Variants in LIG3 observed in about 807,000 individuals in gnomAD.
The protein encoded by LIG3 is DNA ligase 3, also known as ligase II, DNA, ATP-dependent.
In LIG3, 58 loss-of-function variants were observed where a neutral mutation model predicts 110.9. That is an observed-to-expected ratio of 0.52 (90% CI 0.42 to 0.65). The LOEUF is 0.65. LIG3 is among the 30% of genes least tolerant of loss of function. LIG3 has a pLI of 0.00. For synonymous variants in LIG3, 422 were observed against 472.8 expected (o/e 0.89, Z 1.39); for missense variants, 1,094 against 1,273.8 (o/e 0.86, Z 2.15).
At chr17:34,984,677 A>T (rs888151043) in intron 2 of LIG3, among the ~76,000 whole-genome samples, 6 of 149,660 alleles carry the variant, frequency 4.0e-5, no homozygotes, top group African/African-American at 1.5e-4. Context: ...TCTCACTCTG[A>T]CCCAGGCTGG....
At chr17:35,004,027 T>G in intron 19 of LIG3, 1 of 512,666 alleles carries the variant, frequency 2.0e-6, no homozygotes, top group Non-Finnish European at 3.5e-6. Flanking sequence ...TCTTCCCATC[T>G]CCAGGTCCCA....
At chr17:34,993,967 A>G (rs1488906435) in intron 8 of LIG3, among the ~76,000 whole-genome samples, 1 of 152,204 alleles carries the variant, frequency 6.6e-6, no homozygotes, top group Non-Finnish European at 1.5e-5. Context: ...CAAGGCCTGA[A>G]TTATTGAGAA....
chr17:35,002,990 T>G (rs1597804414), intron 19 of LIG3: 2 of 1,614,156 alleles, frequency 1.2e-6, no homozygotes, highest in Admixed American at 3.3e-5. Context: ...CTTGTTGCCT[T>G]GCAGAGGCGG....
At position 34,998,252 on chromosome 17, in the gene LIG3, G is replaced by T; in HGVS notation, c.1945G>T (p.Val649Leu). The change falls in exon 13 of 20, where the codon GTG (valine) becomes TTG (leucine). Residue 649 changes from valine (V) to leucine (L), a missense_variant. Val to Leu is a conservative substitution (Grantham distance 32, BLOSUM62 1). Coordinates refer to ENST00000378526, the MANE Select transcript of LIG3 (RefSeq NM_013975.4). ...GGACTTGGCTGACATGATAACCCGG[G>T]TGATCCAGGAGGGATTGGAGGGGCT... The part of the protein sequence containing the change: ...ALDLADMITR[V>L]IQEGLEGLVL... 17 of 1,613,668 alleles carry T rather than the reference G, an allele frequency of 1.1e-5. No homozygotes were observed. Among genetic ancestry groups the T allele is most frequent in the Non-Finnish European group, 1.4e-5 (16 of 1,179,790 alleles).
At chr17:34,992,074 G>C in intron 7 of LIG3, 39 bp downstream of exon 7, 1 of 1,577,022 alleles carries the variant, frequency 6.3e-7, no homozygotes, top group South Asian at 1.1e-5. Flanking sequence ...GCTGTCATTT[G>C]TTAGCTTTGT....
intron 3 of LIG3, among the ~76,000 whole-genome samples, chr17:34,986,758 C>T (rs538764247): frequency 6.6e-6 from 1 of 152,284 alleles, no homozygotes; most frequent in South Asian, 2.1e-4. Flanking sequence ...CTTTTACTTC[C>T]TTGTGTTTTG....
intron 3 of LIG3, among the ~76,000 whole-genome samples, chr17:34,986,737 T>C (rs1418373599): frequency 1.3e-5 from 2 of 152,244 alleles, no homozygotes; most frequent in African/African-American, 4.8e-5. Context: ...ACAGAGATTA[T>C]TAGAACCTGT....
At chr17:35,003,153 A>G in intron 19 of LIG3, 2 of 1,551,910 alleles carry the variant, frequency 1.3e-6, no homozygotes, top group East Asian at 4.8e-5. Flanking sequence ...GTGGGAATGC[A>G]GCATTGAGTT....
intron 2 of LIG3, 116 bp downstream of exon 2, chr17:34,983,668 A>C: frequency 9.8e-7 from 1 of 1,015,608 alleles, no homozygotes; most frequent in Non-Finnish European, 1.4e-6. Flanking sequence ...ATGGGGTCTC[A>C]CTCTGTTGCC....
chr17:34,989,391 CTG>C, intron 3 of LIG3, 73 bp from the exon 4 acceptor site: 1 of 1,314,136 alleles, frequency 7.6e-7, no homozygotes, highest in Non-Finnish European at 1.1e-6. Context: ...AGCAGAATAT[CTG>C]TTAGTTTCCT....
rs761614319 is a variant in LIG3, at chr17:34,983,253, G to C, written c.248G>C (p.Ser83Thr). 1.2e-6 allele frequency: 2 copies of C among 1,614,246 alleles called. No individual in the cohort carries two copies. The highest frequency in any genetic ancestry group is 1.7e-6 in the Non-Finnish European group (2 of 1,180,048). ...CCAGGGTTGCATGTGGGACTCTGCA[G>C]TGGCCCCTGTGAGATGGCTGAGCAA... ...FLPGLHVGLC[S>T]GPCEMAEQRF... Residue 83 changes from serine to threonine, a missense_variant, in exon 2 of 20, where the codon AGT (serine) becomes ACT (threonine). Ser to Thr is a moderately conservative substitution (Grantham distance 58). Coordinates refer to ENST00000378526, the MANE Select transcript of LIG3 (RefSeq NM_013975.4).
At position 34,996,121 on chromosome 17, in the gene LIG3, T is replaced by A; in HGVS notation, c.1669T>A (p.Leu557Met). 1 of 1,614,202 alleles carries A rather than the reference T, an allele frequency of 6.2e-7. No homozygotes were observed. Among genetic ancestry groups the A allele is most frequent in the Non-Finnish European group, 8.5e-7 (1 of 1,180,030 alleles). ...TTTTCCTGGGGGCCACAGCATGATC[T>A]TGGATTCTGAAGTGCTTCTGATTGA... ...QAFPGGHSMI[L>M]DSEVLLIDNK... The change falls in exon 10 of 20, where the codon TTG becomes ATG. Residue 557 changes from leucine to methionine, a missense_variant. Physicochemically the swap from Leu to Met is conservative, Grantham distance 15. Coordinates refer to ENST00000378526, the MANE Select transcript of LIG3 (RefSeq NM_013975.4).
chr17:34,984,614 T>C (rs1177487094), intron 2 of LIG3, among the ~76,000 whole-genome samples: 1 of 152,100 alleles, frequency 6.6e-6, no homozygotes, highest in Non-Finnish European at 1.5e-5. Flanking sequence ...CTGGATACTA[T>C]GTGTCCACAT....
In LIG3 at chr17:34,982,998, A is replaced by C; in HGVS notation, c.-4-4A>C. The stretch of plus-strand genomic sequence containing the variant: ...TTTTTTTGGCCTCCTACTCTTTCGT[A>C]CAGCTATATGTCTTTGGCTTTCAAG... On this transcript the variant is annotated splice_polypyrimidine_tract_variant and splice_region_variant and intron_variant, in intron 1 of 19. Transcript: ENST00000378526. 6.8e-7 allele frequency: 1 copy of C among 1,470,892 alleles called. No individual in the cohort carries two copies. The highest frequency in any genetic ancestry group is 1.5e-5 in the South Asian group (1 of 67,926). 91.1% of individuals were successfully genotyped at this position (1,470,892 alleles called of 1,614,324 possible).
chr17:34,994,669 T>G (rs893885707), intron 9 of LIG3, among the ~76,000 whole-genome samples: 5 of 152,210 alleles, frequency 3.3e-5, no homozygotes, highest in Admixed American at 3.3e-4. Flanking sequence ...CCTGGAACAG[T>G]GATACTTCTT....
intron 1 of LIG3, among the ~76,000 whole-genome samples, chr17:34,982,659 AAAAG>A (rs1260865981): frequency 5.3e-5 from 8 of 152,078 alleles, no homozygotes; most frequent in South Asian, 4.1e-4. Context: ...AAAAAAAAAA[AAAAG>A]AAAGTTCAGG....
In LIG3 at chr17:35,004,980, T is replaced by G; in HGVS notation, c.*474T>G. 3.5e-6 allele frequency: 1 copy of G among 285,422 alleles called. No homozygotes were observed. The highest frequency in any genetic ancestry group is 3.7e-5 in the South Asian group (1 of 27,240). 17.7% of individuals were successfully genotyped at this position (285,422 alleles called of 1,614,324 possible). ...AGGACTGCCCTCGGAAATGCTTCTGTTTAGCGGAACTTGTATTCAGCCTGA... is the reference window on the plus strand; with the variant it reads ...AGGACTGCCCTCGGAAATGCTTCTGGTTAGCGGAACTTGTATTCAGCCTGA... On this transcript the variant is annotated 3_prime_UTR_variant, in exon 20 of 20. Coordinates refer to ENST00000378526, the MANE Select transcript of LIG3 (RefSeq NM_013975.4).
chr17:34,997,549 A>G (rs2090791545), intron 11 of LIG3, 189 bp from the exon 12 acceptor site: 1 of 569,522 alleles, frequency 1.8e-6, no homozygotes, highest in Non-Finnish European at 3.2e-6. Context: ...ACAGCTCACA[A>G]TTTTCCATCT....
rs2090626388 is a variant in LIG3 at position 34,983,513 on chromosome 17, G to A, written c.508G>A (p.Glu170Lys). Residue 170 changes from glutamate (E) to lysine (K), a missense_variant, in exon 2 of 20, where the codon GAA becomes AAA. Coordinates refer to ENST00000378526, the MANE Select transcript of LIG3 (RefSeq NM_013975.4). ...LTELEGWEEL[E>K]DNEKEQITQH... Reference sequence around the variant, plus strand: ...AGAGCTGGAAGGCTGGGAAGAGCTGGAAGATAATGAGAAGGAACAGATAAC... The same window carrying A: ...AGAGCTGGAAGGCTGGGAAGAGCTGAAAGATAATGAGAAGGAACAGATAAC... The A allele has an allele frequency of 6.2e-7, 1 of 1,613,930 alleles. No individual in the cohort carries two copies. Among genetic ancestry groups the A allele is most frequent in the African/African-American group, 1.3e-5 (1 of 75,032 alleles).
Sources: allele counts gnomAD v4.1 joint callset (sites outside exome capture counted in the v4.1 genomes callset), GRCh38; gene constraint gnomAD v4.1.1; transcripts MANE v1.5; gene names NCBI Gene and HGNC (gene_info 2026-07-23, HGNC 2026-07-21).